Variants in RXRG observed in about 807,000 individuals in gnomAD.
RXRG encodes the protein retinoic acid receptor RXR-gamma.
Under a neutral mutation model 49.2 loss-of-function variants are expected in RXRG, and 19 were observed. That is an observed-to-expected ratio of 0.39 (90% CI 0.27 to 0.57). The LOEUF (loss-of-function observed/expected upper bound fraction) is 0.57. RXRG is among the 20% of genes least tolerant of loss of function. The pLI is 0.64. For synonymous variants in RXRG, 224 were observed against 216.6 expected (o/e 1.03, Z -0.30); for missense variants, 452 against 592.5 (o/e 0.76, Z 2.46).
intron 9 of RXRG, among the ~76,000 whole-genome samples, chr1:165,404,621 C>T (rs1657688148): frequency 6.6e-6 from 1 of 152,050 alleles, no homozygotes. Flanking sequence ...AATTTCATAT[C>T]TAGAAATGCA....
At chr1:165,443,861 A>G (rs1258301426) in intron 1 of RXRG, among the ~76,000 whole-genome samples, 1 of 152,080 alleles carries the variant, frequency 6.6e-6, no homozygotes, top group Non-Finnish European at 1.5e-5. Flanking sequence ...GGACTTTTCA[A>G]TTTTCAAAAC....
chr1:165,418,290 C>T (rs1401578484), intron 3 of RXRG, among the ~76,000 whole-genome samples: 3 of 152,214 alleles, frequency 2.0e-5, no homozygotes, highest in Non-Finnish European at 4.4e-5. Flanking sequence ...CATCATGAAT[C>T]AATCACAATC....
At chr1:165,424,703 C>T (rs1557920086) in intron 2 of RXRG, 2 of 846,586 alleles carry the variant, frequency 2.4e-6, no homozygotes, top group Non-Finnish European at 2.8e-6. Context: ...CCTGCTGCTC[C>T]CACCCCTAGA....
chr1:165,413,080 C>T (rs977767978), intron 4 of RXRG, among the ~76,000 whole-genome samples: 10 of 152,238 alleles, frequency 6.6e-5, no homozygotes, highest in East Asian at 1.9e-4. Flanking sequence ...GAATTTGATT[C>T]GAATTCTGGT....
At chr1:165,418,748 A>G (rs993824980) in intron 3 of RXRG, among the ~76,000 whole-genome samples, 3 of 152,258 alleles carry the variant, frequency 2.0e-5, no homozygotes, top group African/African-American at 4.8e-5. Flanking sequence ...AGTCATTCCC[A>G]TGGCTTTTCA....
At chr1:165,419,328 T>G (rs1362503858) in intron 3 of RXRG, among the ~76,000 whole-genome samples, 1 of 152,198 alleles carries the variant, frequency 6.6e-6, no homozygotes, top group African/African-American at 2.4e-5. Flanking sequence ...GTTTTCTAGT[T>G]CGTTCAAATC....
chr1:165,419,871 T>G lies in RXRG; in HGVS notation c.441A>C (p.Ser147=). Residue 147 remains serine, a splice_region_variant and synonymous_variant, in exon 3 of 10, where the codon TCA becomes TCC. Coordinates refer to ENST00000359842, the MANE Select transcript of RXRG (RefSeq NM_006917.5). ...HICAICGDRS[S]GKHYGVYSCE... ...GGGAGTGTCTGCTTCTGCATGTACC[T>G]GAGGATCTGTCTCCACAGATGGCAC... 1 of 1,605,876 alleles carries G rather than the reference T, an allele frequency of 6.2e-7. No individual in the cohort carries two copies. Among genetic ancestry groups the G allele is most frequent in the Non-Finnish European group, 8.5e-7 (1 of 1,175,494 alleles).
chr1:165,413,879 A>G (rs936500478), intron 4 of RXRG, among the ~76,000 whole-genome samples: 1 of 152,144 alleles, frequency 6.6e-6, no homozygotes, highest in Non-Finnish European at 1.5e-5. Context: ...AACATTATTT[A>G]TCCTAAAAGG....
intron 2 of RXRG, 122 bp from the exon 3 acceptor site, chr1:165,420,136 C>T: frequency 3.9e-6 from 3 of 775,414 alleles, no homozygotes; most frequent in South Asian, 7.3e-5. Context: ...TTTCCAAGTA[C>T]AGAGTATTTG....
intron 1 of RXRG, among the ~76,000 whole-genome samples, chr1:165,432,339 C>T (rs1658696475): frequency 6.6e-6 from 1 of 152,152 alleles, no homozygotes; most frequent in Non-Finnish European, 1.5e-5. Flanking sequence ...TTTATAACTA[C>T]ATTTTAAAAA....
chr1:165,428,598 C>G, intron 2 of RXRG, 121 bp downstream of exon 2: 16 of 1,185,732 alleles, frequency 1.3e-5, no homozygotes, highest in Non-Finnish European at 1.8e-5. Context: ...CTGCAGAGAC[C>G]ATTCAAACCC....
chr1:165,423,157 G>T (rs1436546924), intron 2 of RXRG, among the ~76,000 whole-genome samples: 2 of 152,130 alleles, frequency 1.3e-5, no homozygotes, highest in African/African-American at 2.4e-5. Context: ...GGTTTGTTTT[G>T]GGCTCAGAGC....
chr1:165,418,104 C>T (rs1658186315), intron 3 of RXRG, among the ~76,000 whole-genome samples: 1 of 88,454 alleles, frequency 1.1e-5, no homozygotes, highest in South Asian at 4.2e-4. Context: ...GAGCGAGATC[C>T]CGTCTCAAAA....
Position 165,437,273 on chromosome 1 carries a change from G to C in RXRG, c.49+7572C>G. The C allele has an allele frequency of 6.0e-6, 8 of 1,326,160 alleles. No homozygotes were observed. The South Asian group carries it at 9.5e-5, about 16-fold the overall frequency. The allele number at this position is 1,326,160 out of a possible 1,614,324, so 82.1% of individuals were successfully genotyped here. On this transcript the variant is annotated intron_variant, in intron 1 of 9. Coordinates refer to ENST00000359842, the MANE Select transcript of RXRG (RefSeq NM_006917.5). The stretch of plus-strand genomic sequence containing the variant: ...CTAAGCATCTGCTTGTATATGGGCT[G>C]TGTAAGACACCAAGAGCATGAAGCC...
At chr1:165,409,868 G>T (rs1317389114) in intron 6 of RXRG, among the ~76,000 whole-genome samples, 178 bp from the exon 7 acceptor site, 1 of 151,966 alleles carries the variant, frequency 6.6e-6, no homozygotes, top group Non-Finnish European at 1.5e-5. Flanking sequence ...GATAAGACTG[G>T]GGTCTCCTGA....
At chr1:165,444,805 C>T in intron 1 of RXRG, 40 bp downstream of exon 1, 1 of 1,577,126 alleles carries the variant, frequency 6.3e-7, no homozygotes, top group Non-Finnish European at 8.7e-7. Context: ...CTCAGTCTCT[C>T]ATACAGGTCC....
At chr1:165,437,047 CTG>C in intron 1 of RXRG, 11 of 1,265,596 alleles carry the variant, frequency 8.7e-6, no homozygotes, top group Non-Finnish European at 1.1e-5. Context: ...GGTTTCATTT[CTG>C]TGACTCAAAA....
chr1:165,427,030 A>G (rs1422069376), intron 2 of RXRG, among the ~76,000 whole-genome samples: 3 of 152,340 alleles, frequency 2.0e-5, no homozygotes, highest in South Asian at 2.1e-4. Context: ...AACTAATTGG[A>G]TGATGCCCAC....
chr1:165,418,110 CAAAAAAAAA>C (rs57782668), intron 3 of RXRG, among the ~76,000 whole-genome samples: 3 of 73,856 alleles, frequency 4.1e-5, no homozygotes, highest in African/African-American at 5.4e-5. Flanking sequence ...GATCCCGTCT[CAAAAAAAAA>C]AAAAAAAAAA....
Sources: gnomAD v4.1 joint callset for allele counts (sites outside exome capture counted in the v4.1 genomes callset) on GRCh38, gnomAD v4.1.1 for gene constraint, MANE v1.5 for transcripts, NCBI Gene and HGNC (gene_info 2026-07-23, HGNC 2026-07-21) for gene names.